Variants in IPP observed in about 807,000 individuals in gnomAD.
The protein encoded by IPP is actin-binding protein IPP.
IPP carries 41 observed loss-of-function variants against 64.1 expected under a neutral mutation model. The ratio of observed to expected loss-of-function variants is 0.64; its 90% CI spans 0.50 to 0.83. The LOEUF is 0.83. Among genes scored for constraint, IPP ranks in the 40% least tolerant of loss-of-function variants. The pLI is 0.00. For missense variants in IPP, 649 were observed against 703.0 expected (o/e 0.92, Z 0.87); for synonymous variants, 214 against 235.2 (o/e 0.91, Z 0.83).
intron 3 of IPP, among the ~76,000 whole-genome samples, chr1:45,740,236 A>C (rs1211155146): frequency 6.6e-6 from 1 of 152,204 alleles, no homozygotes; most frequent in Non-Finnish European, 1.5e-5. Flanking sequence ...CTACACAGAC[A>C]CAGCAACCAT....
chr1:45,726,285 C>A (rs1645826505), intron 5 of IPP, among the ~76,000 whole-genome samples: 1 of 151,776 alleles, frequency 6.6e-6, no homozygotes, highest in Admixed American at 6.6e-5. Flanking sequence ...ATGAAGAAAC[C>A]CTGTCTCTAC....
At chr1:45,714,553 A>G (rs552279823) in intron 7 of IPP, 87 bp from the exon 8 acceptor site, 6 of 794,862 alleles carry the variant, frequency 7.5e-6, no homozygotes, top group South Asian at 4.6e-5. Context: ...TATGTTTCCA[A>G]TGCCGATGCT....
At chr1:45,707,220 G>A (rs562642510) in intron 8 of IPP, among the ~76,000 whole-genome samples, 4 of 152,040 alleles carry the variant, frequency 2.6e-5, no homozygotes, top group African/African-American at 4.8e-5. Flanking sequence ...TCAGGAGATC[G>A]AGACCATCCT....
chr1:45,726,940 G>A (rs571666344), intron 5 of IPP, among the ~76,000 whole-genome samples: 1 of 152,104 alleles, frequency 6.6e-6, no homozygotes, highest in East Asian at 1.9e-4. Context: ...TGGCCAGGCT[G>A]GTCTTGAACT....
chr1:45,702,706 C>T (rs1378547227), intron 8 of IPP, among the ~76,000 whole-genome samples: 2 of 152,156 alleles, frequency 1.3e-5, no homozygotes, highest in African/African-American at 4.8e-5. Flanking sequence ...CCACCCACCT[C>T]AGCCTCCCAA....
In IPP at chr1:45,747,759, T is replaced by C. The variant is rs184487988; in HGVS notation, c.-50-1298A>G. ...ACAAGAATCACCTGAGCCCAGGAGA[T>C]GGAGGTTGCAGTGAGCTGAGATCAC... On this transcript the variant is annotated intron_variant, in intron 1 of 8. Transcript: ENST00000396478. 3.5e-3 allele frequency among the ~76,000 whole-genome samples: 470 copies of C among 135,588 alleles called. 3 individuals carry two copies. The highest frequency in any genetic ancestry group is 0.013 in the African/African-American group (452 of 35,908). 89.0% of individuals were successfully genotyped at this position (135,588 alleles called of 152,430 possible).
intron 8 of IPP, among the ~76,000 whole-genome samples, chr1:45,709,232 G>C (rs1446782893): frequency 5.3e-5 from 8 of 150,598 alleles, no homozygotes; most frequent in Non-Finnish European, 1.0e-4. Flanking sequence ...AGGAGCTCGA[G>C]ACCATCCTGG....
At chr1:45,714,123 G>GA (rs1206055324) in intron 8 of IPP, 123 bp downstream of exon 8, 11 of 652,580 alleles carry the variant, frequency 1.7e-5, no homozygotes, top group Non-Finnish European at 2.3e-5. Context: ...TCTTTGGAAA[G>GA]AAAAAAGGGG....
chr1:45,745,218 T>G (rs1646119019), intron 2 of IPP, among the ~76,000 whole-genome samples: 1 of 152,188 alleles, frequency 6.6e-6, no homozygotes, highest in Non-Finnish European at 1.5e-5. Context: ...CTAATGTTAT[T>G]AAAACTCTTC....
chr1:45,739,515 A>G (rs1020003614), intron 3 of IPP, among the ~76,000 whole-genome samples: 3 of 146,904 alleles, frequency 2.0e-5, no homozygotes, highest in East Asian at 2.0e-4. Flanking sequence ...TTGGCCTGCT[A>G]AAGTGCCAGA....
At chr1:45,735,881 G>A (rs1278133572) in intron 3 of IPP, among the ~76,000 whole-genome samples, 4 of 150,244 alleles carry the variant, frequency 2.7e-5, no homozygotes, top group Non-Finnish European at 5.9e-5. Flanking sequence ...GGAGGCCAAG[G>A]AGGGTGGATC....
In IPP at chr1:45,716,929, C is replaced by T; in HGVS notation, c.1275G>A (p.Val425=). 1 of 1,612,964 alleles carries T rather than the reference C, an allele frequency of 6.2e-7. No individual in the cohort carries two copies. The highest frequency in any genetic ancestry group is 8.5e-7 in the Non-Finnish European group (1 of 1,179,208). The change falls in exon 7 of 9, where the codon GTG becomes GTA. Residue 425 remains valine (V), a synonymous_variant. Coordinates refer to ENST00000396478, the MANE Select transcript of IPP (RefSeq NM_005897.3). ...NKWEVVGNMA[V]SRYYFGCCEM... is the part of the protein sequence containing the mutation. ...CACAGCACCCAAAGTAGTAGCGTGA[C>T]ACAGCCATGTTACCAACTACTTCCC...
At chr1:45,725,120 G>A (rs1456256851) in intron 5 of IPP, among the ~76,000 whole-genome samples, 1 of 125,370 alleles carries the variant, frequency 8.0e-6, no homozygotes, top group Non-Finnish European at 1.7e-5. Flanking sequence ...GGGAGGGGGG[G>A]TCAGCCCCCC....
At chr1:45,722,088 C>A (rs1297753868) in intron 5 of IPP, among the ~76,000 whole-genome samples, 2 of 149,210 alleles carry the variant, frequency 1.3e-5, no homozygotes, top group Non-Finnish European at 3.0e-5. Flanking sequence ...AAACAAACAA[C>A]CAACAACAAC....
downstream of IPP, among the ~76,000 whole-genome samples, chr1:45,697,757 C>G (rs1645399696): frequency 1.3e-5 from 2 of 151,398 alleles, no homozygotes; most frequent in African/African-American, 2.4e-5. Flanking sequence ...AGGAGTTCAA[C>G]ACCAGCCTGG....
downstream of IPP, among the ~76,000 whole-genome samples, chr1:45,696,523 G>A (rs559057702): frequency 2.0e-4 from 30 of 152,342 alleles, no homozygotes; most frequent in Admixed American, 1.7e-3. Flanking sequence ...GCTCATGCCT[G>A]TAATCCCAGC....
chr1:45,725,165 G>A (rs1645800690), intron 5 of IPP, among the ~76,000 whole-genome samples: 1 of 136,130 alleles, frequency 7.3e-6, no homozygotes, highest in Admixed American at 7.1e-5. Context: ...AGTGGGGTGG[G>A]GGGTCAGCCC....
intron 8 of IPP, among the ~76,000 whole-genome samples, chr1:45,711,840 A>C (rs1041214700): frequency 6.6e-6 from 1 of 152,220 alleles, no homozygotes; most frequent in Non-Finnish European, 1.5e-5. Context: ...AGACATAATA[A>C]ACTTAATGGG....
At chr1:45,716,815 C>T (rs539349953) in intron 7 of IPP, 80 bp downstream of exon 7, 2 of 1,265,420 alleles carry the variant, frequency 1.6e-6, no homozygotes, top group East Asian at 4.8e-5. Flanking sequence ...TTAAAATATA[C>T]TTTTGTGAAA....
Sources: gnomAD v4.1 joint callset for allele counts (sites outside exome capture counted in the v4.1 genomes callset) on GRCh38, gnomAD v4.1.1 for gene constraint, MANE v1.5 for transcripts, NCBI Gene and HGNC (gene_info 2026-07-23, HGNC 2026-07-21) for gene names.